RIT2: variants seen among roughly 807,000 people sequenced by gnomAD.
RIT2 encodes GTP-binding protein Rit2.
RIT2 carries 24 observed loss-of-function variants against 23.7 expected under a neutral mutation model. The ratio of observed to expected loss-of-function variants is 1.01; its 90% CI spans 0.73 to 1.43. The LOEUF (loss-of-function observed/expected upper bound fraction) is 1.43, where lower values mean the gene tolerates loss of function less well. RIT2 is among the 40% of genes most tolerant of loss of function. RIT2 has a pLI of 0.00. For synonymous variants in RIT2, 107 were observed against 91.1 expected (o/e 1.17, Z -0.99); for missense variants, 236 against 266.9 (o/e 0.88, Z 0.81).
chr18:43,039,503 C>A (rs1189516792), intron 1 of RIT2, among the ~76,000 whole-genome samples: 3 of 151,950 alleles, frequency 2.0e-5, no homozygotes, highest in African/African-American at 4.8e-5. Flanking sequence ...CATGTGACAC[C>A]ATGCCCGACT....
chr18:42,904,362 T>C (rs1002441458), intron 4 of RIT2, among the ~76,000 whole-genome samples: 1 of 152,082 alleles, frequency 6.6e-6, no homozygotes, highest in African/African-American at 2.4e-5. Context: ...GCCATGACAC[T>C]GGAATAGGGT....
At chr18:42,780,047 GTT>G (rs71175923) in intron 4 of RIT2, among the ~76,000 whole-genome samples, 1 of 59,568 alleles carries the variant, frequency 1.7e-5, no homozygotes, top group South Asian at 8.5e-4. Context: ...CAATTTAGAG[GTT>G]TTTTTTTTTT....
At chr18:43,021,609 G>C (rs1911599689) in intron 2 of RIT2, among the ~76,000 whole-genome samples, 1 of 152,054 alleles carries the variant, frequency 6.6e-6, no homozygotes. Context: ...GGAATAGTGA[G>C]TGAGTCAGTT....
intron 3 of RIT2, among the ~76,000 whole-genome samples, chr18:42,963,825 G>A (rs1163205974): frequency 6.6e-6 from 1 of 152,140 alleles, no homozygotes; most frequent in Non-Finnish European, 1.5e-5. Context: ...GAACCCAGGA[G>A]GTGGAGGTTG....
At chr18:42,762,726 A>G (rs558062738) in intron 4 of RIT2, among the ~76,000 whole-genome samples, 2 of 152,200 alleles carry the variant, frequency 1.3e-5, no homozygotes, top group African/African-American at 2.4e-5. Context: ...AGCTTCCTTC[A>G]ATGACCTACT....
intron 1 of RIT2, among the ~76,000 whole-genome samples, chr18:43,060,468 C>A (rs1233363664): frequency 3.3e-5 from 5 of 152,040 alleles, no homozygotes; most frequent in Admixed American, 3.3e-4. Flanking sequence ...GTTAAAAGCC[C>A]AAATGGTCAG....
chr18:42,961,567 A>G (rs1263114297), intron 3 of RIT2, among the ~76,000 whole-genome samples: 4 of 152,346 alleles, frequency 2.6e-5, no homozygotes, highest in Non-Finnish European at 5.9e-5. Context: ...AGGTAGGAGT[A>G]TACATGGCAC....
intron 4 of RIT2, among the ~76,000 whole-genome samples, chr18:42,861,507 C>A (rs1907326999): frequency 1.3e-5 from 2 of 152,218 alleles, no homozygotes; most frequent in African/African-American, 2.4e-5. Context: ...ACATCTCTGT[C>A]ATGACATCAC....
intron 4 of RIT2, among the ~76,000 whole-genome samples, chr18:42,816,196 C>G (rs1052906419): frequency 3.3e-5 from 5 of 152,074 alleles, no homozygotes; most frequent in Admixed American, 2.6e-4. Context: ...TAAATACCCC[C>G]CCATGGCTGA....
intron 1 of RIT2, among the ~76,000 whole-genome samples, chr18:43,082,770 A>G (rs1203809238): frequency 6.6e-6 from 1 of 152,138 alleles, no homozygotes; most frequent in Non-Finnish European, 1.5e-5. Flanking sequence ...CCCATACCCA[A>G]TATCATACTG....
intron 1 of RIT2, among the ~76,000 whole-genome samples, chr18:43,091,276 C>T (rs753461011): frequency 2.0e-5 from 3 of 151,896 alleles, no homozygotes; most frequent in African/African-American, 7.3e-5. Context: ...TTGTTGTCCC[C>T]ACAGTGTTTA....
chr18:42,811,934 A>T (rs571021922), intron 4 of RIT2, among the ~76,000 whole-genome samples: 2 of 152,274 alleles, frequency 1.3e-5, no homozygotes, highest in Admixed American at 6.5e-5. Flanking sequence ...TGAGCTACTT[A>T]TGTATGAATA....
intron 4 of RIT2, among the ~76,000 whole-genome samples, chr18:42,899,355 A>G (rs1908415710): frequency 6.6e-6 from 1 of 151,328 alleles, no homozygotes. Flanking sequence ...TCCTTGGTGA[A>G]AGAAATTCAA....
At chr18:43,024,975 A>C (rs1911679353) in intron 2 of RIT2, among the ~76,000 whole-genome samples, 1 of 152,090 alleles carries the variant, frequency 6.6e-6, no homozygotes, top group Non-Finnish European at 1.5e-5. Context: ...TGGGAGGCCA[A>C]GGCAGACAGA....
intron 1 of RIT2, among the ~76,000 whole-genome samples, chr18:43,037,018 A>G (rs969694525): frequency 6.6e-6 from 1 of 152,218 alleles, no homozygotes; most frequent in African/African-American, 2.4e-5. Context: ...ATTCCTTGCT[A>G]AAGAGCAACT....
At chr18:42,822,891 A>G (rs1230448316) in intron 4 of RIT2, among the ~76,000 whole-genome samples, 1 of 152,138 alleles carries the variant, frequency 6.6e-6, no homozygotes, top group Non-Finnish European at 1.5e-5. Context: ...CAAAGAGAAT[A>G]ACAACTACAA....
At chr18:42,999,879 G>C (rs894923094) in intron 2 of RIT2, among the ~76,000 whole-genome samples, 1 of 152,020 alleles carries the variant, frequency 6.6e-6, no homozygotes, top group Non-Finnish European at 1.5e-5. Context: ...ACTGTATTGA[G>C]AATCAAAAGA....
chr18:43,097,747 A>T (rs1274568405), intron 1 of RIT2, among the ~76,000 whole-genome samples: 1 of 151,970 alleles, frequency 6.6e-6, no homozygotes, highest in Non-Finnish European at 1.5e-5. Context: ...AAGACCTGAA[A>T]AGTGTCGCTA....
chr18:42,895,909 G>A (rs1367644797), intron 4 of RIT2, among the ~76,000 whole-genome samples: 1 of 152,134 alleles, frequency 6.6e-6, no homozygotes, highest in African/African-American at 2.4e-5. Flanking sequence ...GTTTTCTCTG[G>A]GATAGAAACC....
Sources: allele counts gnomAD v4.1 joint callset (sites outside exome capture counted in the v4.1 genomes callset), GRCh38; gene constraint gnomAD v4.1.1; transcripts MANE v1.5; gene names NCBI Gene and HGNC (gene_info 2026-07-23, HGNC 2026-07-21).